ABCC1: variants seen among roughly 807,000 people sequenced by gnomAD.
The protein encoded by ABCC1 is multidrug resistance-associated protein 1.
In ABCC1, 83 loss-of-function variants were observed where a neutral mutation model predicts 172.9. That is an observed-to-expected ratio of 0.48 (90% CI 0.40 to 0.58). ABCC1 has a LOEUF of 0.58. Ranked by LOEUF, ABCC1 falls within the 20% of genes least tolerant of loss-of-function variation. The probability of loss-of-function intolerance (pLI) is 0.00; values close to 1 mark genes in which losing one functional copy is unlikely to be tolerated. For missense variants in ABCC1, 1,817 were observed against 2,002.7 expected, an observed-to-expected ratio of 0.91 and a Z score of 1.77; for synonymous variants, 937 against 825.2, an observed-to-expected ratio of 1.14 and a Z score of -2.32.
intron 1 of ABCC1, among the ~76,000 whole-genome samples, chr16:15,961,697 CT>C (rs1429168195): frequency 1.3e-4 from 19 of 151,092 alleles, no homozygotes; most frequent in Admixed American, 7.9e-4. Flanking sequence ...CTCTTGTTCT[CT>C]TCACTTAACC....
Position 16,027,230 on chromosome 16 carries a change from A to G in ABCC1, c.616-5879A>G, listed in dbSNP as rs552381238. ...GGGTTGAGGTAGGCAGAGGTTAGCC[A>G]ACCTTTTCTGGAAAGGGCTGGCTGA... On this transcript the variant is annotated intron_variant, in intron 5 of 30. Transcript: ENST00000399410. 3.3e-5 allele frequency among the ~76,000 whole-genome samples: 5 copies of G among 152,258 alleles called. No individual in the cohort carries two copies. In the South Asian group the frequency reaches 1.0e-3, roughly 32 times the overall value.
intron 20 of ABCC1, among the ~76,000 whole-genome samples, chr16:16,104,925 G>T (rs535124919): frequency 1.3e-5 from 2 of 152,210 alleles, no homozygotes; most frequent in East Asian, 3.9e-4. Context: ...CTCTGAGTGC[G>T]GGGTCCACCG....
intron 23 of ABCC1, among the ~76,000 whole-genome samples, chr16:16,116,090 G>C (rs2044851935): frequency 6.6e-6 from 1 of 151,908 alleles, no homozygotes. Flanking sequence ...ATTTTCAGTA[G>C]AGACAAGGTT....
chr16:16,119,498 C>A (rs2045056804), intron 23 of ABCC1, among the ~76,000 whole-genome samples: 1 of 151,960 alleles, frequency 6.6e-6, no homozygotes, highest in Non-Finnish European at 1.5e-5. Flanking sequence ...TGAGACCAGC[C>A]TGGCCAACAT....
At chr16:15,988,125 C>T (rs1484190017) in intron 1 of ABCC1, among the ~76,000 whole-genome samples, 1 of 152,070 alleles carries the variant, frequency 6.6e-6, no homozygotes, top group Non-Finnish European at 1.5e-5. Flanking sequence ...GCTATGTTGG[C>T]CAGGCTGGTC....
Position 16,086,886 on chromosome 16 carries a change from C to T in ABCC1, c.2355C>T (p.Asn785=), listed in dbSNP as rs186007701. 1.5e-5 allele frequency: 24 copies of T among 1,614,190 alleles called. No homozygotes were observed. Among genetic ancestry groups the T allele is most frequent in the Admixed American group, 1.2e-4 (7 of 59,988 alleles). Residue 785 remains asparagine, a synonymous_variant, in exon 18 of 31, where the codon AAC becomes AAT. Coordinates refer to ENST00000399410, the MANE Select transcript of ABCC1 (RefSeq NM_004996.4). ...RVSLARAVYS[N]ADIYLFDDPL... Reference sequence around the variant, plus strand: ...GCCTGGCCCGGGCCGTGTACTCCAACGCTGACATTTACCTCTTCGATGATC... The same window carrying T: ...GCCTGGCCCGGGCCGTGTACTCCAATGCTGACATTTACCTCTTCGATGATC...
chr16:16,132,273 G>A (rs2045709571), intron 27 of ABCC1, among the ~76,000 whole-genome samples: 2 of 151,994 alleles, frequency 1.3e-5, no homozygotes, highest in Non-Finnish European at 2.9e-5. Flanking sequence ...CACTGCAGCG[G>A]CAGCCTCCCA....
intron 1 of ABCC1, among the ~76,000 whole-genome samples, chr16:15,990,162 C>T (rs1417300298): frequency 1.3e-5 from 2 of 152,090 alleles, no homozygotes; most frequent in Non-Finnish European, 2.9e-5. Flanking sequence ...TCAAGTGATT[C>T]TCCTGCCTCA....
chr16:16,006,862 TGGC>T lies in ABCC1; in HGVS notation c.49-951_49-949del, dbSNP rs1490933855. ...TTATCCGTGGTGGTGGCGGTGGCGG[TGGC>T]GGTGGCGGTGGCGGTGATGGTGGTG... On this transcript the variant is annotated intron_variant, in intron 1 of 30. Transcript: ENST00000399410. 6.0e-5 allele frequency among the ~76,000 whole-genome samples: 9 copies of T among 150,894 alleles called. No individual in the cohort carries two copies. The East Asian group carries it at 1.8e-3, about 30-fold the overall frequency.
chr16:16,083,694 A>G (rs2050895951), intron 17 of ABCC1, 152 bp downstream of exon 17: 1 of 996,228 alleles, frequency 1.0e-6, no homozygotes, highest in Non-Finnish European at 1.5e-6. Context: ...AGGCCAGCTG[A>G]ACTTGGGTCC....
rs1049950853 is a variant in ABCC1 at position 16,111,389 on chromosome 16, G to A, written c.2886G>A (p.Val962=). Residue 962 remains valine (V), a synonymous_variant, in exon 22 of 31, where the codon GTG becomes GTA. Coordinates refer to ENST00000399410, the MANE Select transcript of ABCC1 (RefSeq NM_004996.4). ...KAQTGQVKLS[V]YWDYMKAIGL... is the part of the protein sequence containing the mutation. ...GTGATCTCCAGGTCAAGCTTTCCGTGTACTGGGACTACATGAAGGCCATCG... is the reference window on the plus strand; with the variant it reads ...GTGATCTCCAGGTCAAGCTTTCCGTATACTGGGACTACATGAAGGCCATCG... 1 of 1,614,110 alleles carries A rather than the reference G, an allele frequency of 6.2e-7. No homozygotes were observed. The highest frequency in any genetic ancestry group is 1.3e-5 in the African/African-American group (1 of 75,040).
At chr16:15,969,532 C>T (rs1047628475) in intron 1 of ABCC1, among the ~76,000 whole-genome samples, 8 of 152,026 alleles carry the variant, frequency 5.3e-5, no homozygotes, top group South Asian at 2.1e-4. Context: ...GCCACCACGC[C>T]CGGCTACTTT....
chr16:15,968,848 G>A (rs1235063464), intron 1 of ABCC1, among the ~76,000 whole-genome samples: 1 of 151,184 alleles, frequency 6.6e-6, no homozygotes, highest in South Asian at 2.1e-4. Context: ...TTAGCCTCTG[G>A]AGTAGCTGGG....
In ABCC1 at chr16:16,107,704, G is replaced by A. The variant is rs558902871; in HGVS notation, c.2871+831G>A. ...ATCCTCTCTTTGTAACAAGGAGACC[G>A]GGTTTTGAGCTCCTGTTTTATTGTT... On this transcript the variant is annotated intron_variant, in intron 21 of 30. Coordinates refer to ENST00000399410, the MANE Select transcript of ABCC1 (RefSeq NM_004996.4). 8.5e-5 allele frequency among the ~76,000 whole-genome samples: 13 copies of A among 152,158 alleles called. No individual in the cohort carries two copies. The South Asian group carries it at 1.9e-3, about 22-fold the overall frequency.
intron 1 of ABCC1, among the ~76,000 whole-genome samples, chr16:15,999,818 C>G (rs1290093233): frequency 2.2e-5 from 1 of 45,916 alleles, no homozygotes; most frequent in African/African-American, 6.3e-5. Flanking sequence ...TCCTCTCTCT[C>G]TCTCTCTCTC....
At chr16:15,997,392 A>C (rs2047094866) in intron 1 of ABCC1, among the ~76,000 whole-genome samples, 2 of 152,130 alleles carry the variant, frequency 1.3e-5, no homozygotes, top group Admixed American at 6.5e-5. Flanking sequence ...CGCCCAGCCG[A>C]CTTGCGCTTT....
chr16:15,955,347 C>G (rs1180040708), intron 1 of ABCC1, among the ~76,000 whole-genome samples: 1 of 152,032 alleles, frequency 6.6e-6, no homozygotes, highest in Non-Finnish European at 1.5e-5. Context: ...GACAGTGAGA[C>G]TCTGTCTCAA....
In ABCC1 at chr16:16,044,264, G is replaced by A. The variant is rs113576186; in HGVS notation, c.810-186G>A. 4.4e-3 allele frequency among the ~76,000 whole-genome samples: 676 copies of A among 152,280 alleles called. 6 individuals are homozygous for A. Among genetic ancestry groups the A allele is most frequent in the African/African-American group, 0.013 (525 of 41,556 alleles). ...CAGTGGCCAAGCCAGACCTTGAGCC[G>A]GTGGCTCTGGAGCCCGTGGCTCTGG... is the stretch of plus-strand genomic sequence containing the variant. On this transcript the variant is annotated intron_variant, in intron 7 of 30. Transcript: ENST00000399410.
intron 3 of ABCC1, among the ~76,000 whole-genome samples, chr16:16,010,112 T>C (rs1485536054): frequency 2.2e-5 from 3 of 136,414 alleles, no homozygotes; most frequent in Non-Finnish European, 4.6e-5. Flanking sequence ...GGTACCATCA[T>C]AGTTCACTGC....
Sources: gnomAD v4.1 joint callset for allele counts (sites outside exome capture counted in the v4.1 genomes callset) on GRCh38, gnomAD v4.1.1 for gene constraint, MANE v1.5 for transcripts, NCBI Gene and HGNC (gene_info 2026-07-23, HGNC 2026-07-21) for gene names.